Variants in NRTN observed in about 807,000 individuals in gnomAD.
NRTN encodes the protein prepro-neurturin.
In NRTN, 3 loss-of-function variants were observed where a neutral mutation model predicts 7.5. The ratio of observed to expected loss-of-function variants is 0.40; its 90% CI spans 0.18 to 1.03. NRTN has a LOEUF of 1.03. Ranked by LOEUF, NRTN falls within the 50% of genes least tolerant of loss-of-function variation. NRTN has a pLI of 0.34. For synonymous variants in NRTN, 157 were observed against 146.6 expected, an observed-to-expected ratio of 1.07 and a Z score of -0.51; for missense variants, 310 against 307.0, an observed-to-expected ratio of 1.01 and a Z score of -0.07.
At chr19:5,817,880 A>T (rs1447675162) in intron 1 of NRTN, among the ~76,000 whole-genome samples, 2 of 152,102 alleles carry the variant, frequency 1.3e-5, no homozygotes, top group South Asian at 4.2e-4. Context: ...GCTCACTGCA[A>T]CCTCTGCCTC....
intron 1 of NRTN, among the ~76,000 whole-genome samples, chr19:5,808,819 G>A (rs1168658896): frequency 1.4e-5 from 2 of 148,042 alleles, no homozygotes; most frequent in Non-Finnish European, 3.0e-5. Context: ...GCAGTGGTGC[G>A]ATCTCGGCTC....
chr19:5,818,298 G>A (rs1028859882), intron 1 of NRTN, among the ~76,000 whole-genome samples: 1 of 152,170 alleles, frequency 6.6e-6, no homozygotes, highest in African/African-American at 2.4e-5. Flanking sequence ...AAGTGTGCTC[G>A]AGTGAGAATG....
chr19:5,813,443 G>A (rs1350122924), intron 1 of NRTN, among the ~76,000 whole-genome samples: 3 of 151,550 alleles, frequency 2.0e-5, no homozygotes, highest in African/African-American at 7.3e-5. Context: ...AGGCCGAAGC[G>A]AGCGGATCAC....
chr19:5,817,586 AAG>A lies in NRTN; in HGVS notation c.-398-6177_-398-6176del, dbSNP rs539159801. On this transcript the variant is annotated intron_variant, in intron 1 of 2. Transcript: ENST00000303212. ...AGGAAGGGAGGGAGGGAGGGAGGGA[AAG>A]AGAGGAAGGAAGGGAGGGAGAGAGA... 4.1e-3 allele frequency among the ~76,000 whole-genome samples: 582 copies of A among 140,838 alleles called. 4 individuals carry two copies. The highest frequency in any genetic ancestry group is 9.5e-3 in the African/African-American group (356 of 37,278). 92.4% of individuals were successfully genotyped at this position (140,838 alleles called of 152,430 possible).
At chr19:5,807,456 G>A (rs1223969374) in intron 1 of NRTN, among the ~76,000 whole-genome samples, 1 of 152,170 alleles carries the variant, frequency 6.6e-6, no homozygotes, top group Non-Finnish European at 1.5e-5. Flanking sequence ...GTTGGGGTCG[G>A]GAGATGGACA....
intron 1 of NRTN, among the ~76,000 whole-genome samples, chr19:5,810,996 G>A (rs1381922262): frequency 6.6e-6 from 1 of 151,888 alleles, no homozygotes; most frequent in African/African-American, 2.4e-5. Context: ...CAGCTCTTTG[G>A]GAGTCTGAGG....
intron 1 of NRTN, among the ~76,000 whole-genome samples, chr19:5,805,940 T>TCGCCGC (rs71172773): frequency 7.3e-5 from 11 of 151,686 alleles, no homozygotes; most frequent in East Asian, 3.9e-4. Context: ...CGTTCCCTGC[T>TCGCCGC]CGCCGCCGCC....
intron 1 of NRTN, among the ~76,000 whole-genome samples, chr19:5,816,046 A>AGTTTCACCAGTATTTCTGCTAACGTCC (rs1568397365): frequency 4.0e-5 from 6 of 151,718 alleles, no homozygotes; most frequent in African/African-American, 1.5e-4. Flanking sequence ...TGCCTGGCCG[A>AGTTTCACCAGTATTTCTGCTAACGTCC]TGGTGTCTTT....
chr19:5,823,059 GGAAA>G (rs1002007905), intron 1 of NRTN, among the ~76,000 whole-genome samples: 3 of 120,262 alleles, frequency 2.5e-5, no homozygotes, highest in Admixed American at 9.6e-5. Context: ...AAGAAAGAAA[GGAAA>G]GAAAGGAAGA....
chr19:5,806,226 AG>A lies in NRTN; in HGVS notation c.-399+781del, dbSNP rs149024883. On this transcript the variant is annotated intron_variant, in intron 1 of 2. Transcript: ENST00000303212. This position sits in a 1 kb window ranked among gnomAD's most constrained non-coding sequence, Gnocchi z 5.4. Reference sequence around the variant, plus strand: ...GGGGGCTGCAGACAGATTAGTGGGGAGGGGGGTGTGCTGGAGAGAGAAATGG... The same window carrying A: ...GGGGGCTGCAGACAGATTAGTGGGGAGGGGGTGTGCTGGAGAGAGAAATGG... Among the ~76,000 whole-genome samples the A allele has an allele frequency of 6.6e-6, 1 of 151,576 alleles. No homozygotes were observed. Among genetic ancestry groups the A allele is most frequent in the Non-Finnish European group, 1.5e-5 (1 of 67,874 alleles).
chr19:5,811,942 C>T (rs186683057), intron 1 of NRTN, among the ~76,000 whole-genome samples: 37 of 151,506 alleles, frequency 2.4e-4, no homozygotes, highest in African/African-American at 5.6e-4. Flanking sequence ...CGATCTTGGC[C>T]CACTGCAAGC....
intron 1 of NRTN, among the ~76,000 whole-genome samples, chr19:5,810,667 C>T (rs1440931488): frequency 1.3e-5 from 2 of 152,070 alleles, no homozygotes; most frequent in Non-Finnish European, 2.9e-5. Context: ...GGCGCAGTGG[C>T]TCGTGCCTGT....
Position 5,823,521 on chromosome 19 carries a change from G to C in NRTN, c.-398-247G>C, listed in dbSNP as rs373947104. Among the ~76,000 whole-genome samples the C allele has an allele frequency of 9.2e-5, 14 of 152,272 alleles. No homozygotes were observed. In the East Asian group the frequency reaches 1.9e-3, roughly 21 times the overall value. On this transcript the variant is annotated intron_variant, in intron 1 of 2. Transcript: ENST00000303212. ...CTATCTGTGCAAAAGCCCAGAGCTG[G>C]GACTCCATGTCCAGGGCAGCTCTGG...
chr19:5,817,630 AAGGC>A lies in NRTN; in HGVS notation c.-398-6117_-398-6114del, dbSNP rs111430527. Among the ~76,000 whole-genome samples, 1,058 of 112,036 alleles carry A rather than the reference AAGGC, an allele frequency of 9.4e-3. 15 individuals carry two copies. Among genetic ancestry groups the A allele is most frequent in the African/African-American group, 0.029 (901 of 31,054 alleles). 73.5% of individuals were successfully genotyped at this position (112,036 alleles called of 152,430 possible). A position where few individuals can be genotyped will look rare whatever the true frequency, so the allele number is the denominator to read the frequency against. ...GGAGAGAGAGAGAAAGAAAAAGAAG[AAGGC>A]AGGCAGGCAGGCAGGCAGGCGTGTG... On this transcript the variant is annotated intron_variant, in intron 1 of 2. Coordinates refer to ENST00000303212, the MANE Select transcript of NRTN (RefSeq NM_004558.5).
intron 2 of NRTN, among the ~76,000 whole-genome samples, chr19:5,826,490 G>A (rs1365527739): frequency 6.6e-6 from 1 of 152,172 alleles, no homozygotes; most frequent in Non-Finnish European, 1.5e-5. Context: ...TCGTTTCTGA[G>A]ACCCCCTGTG....
At chr19:5,825,473 C>A (rs1686613427) in intron 2 of NRTN, among the ~76,000 whole-genome samples, 1 of 152,246 alleles carries the variant, frequency 6.6e-6, no homozygotes, top group African/African-American at 2.4e-5. Context: ...CTTGTCCTTA[C>A]AATGCACAAG....
intron 1 of NRTN, among the ~76,000 whole-genome samples, chr19:5,807,219 T>G (rs2056977333): frequency 6.6e-6 from 1 of 152,182 alleles, no homozygotes; most frequent in Admixed American, 6.5e-5. Flanking sequence ...GAGACTGTTC[T>G]AGAAGGTTGG....
At chr19:5,808,562 G>A (rs917158429) in intron 1 of NRTN, among the ~76,000 whole-genome samples, 2 of 152,156 alleles carry the variant, frequency 1.3e-5, no homozygotes, top group African/African-American at 4.8e-5. Context: ...TCCAGGTGCC[G>A]GTGGGGGACT....
chr19:5,807,387 C>G (rs910019062), intron 1 of NRTN, among the ~76,000 whole-genome samples: 2 of 152,278 alleles, frequency 1.3e-5, no homozygotes, highest in African/African-American at 4.8e-5. Context: ...ATGCATCTCC[C>G]TGGTCCTCCA....
Sources: allele counts gnomAD v4.1 joint callset (sites outside exome capture counted in the v4.1 genomes callset), GRCh38; gene constraint gnomAD v4.1.1; non-coding constraint Gnocchi (gnomAD v3.1); transcripts MANE v1.5; gene names NCBI Gene and HGNC (gene_info 2026-07-23, HGNC 2026-07-21).